Variants in CREM observed in about 807,000 individuals in gnomAD.
The protein encoded by CREM is cAMP-responsive element modulator.
In CREM, 13 loss-of-function variants were observed where a neutral mutation model predicts 37.3. That is an observed-to-expected ratio of 0.35 (90% CI 0.23 to 0.55). The LOEUF is 0.55. Among genes scored for constraint, CREM ranks in the 20% least tolerant of loss-of-function variants. The pLI, the probability that CREM is intolerant of heterozygous loss-of-function variation, is 0.88. For missense variants in CREM, 296 were observed against 362.3 expected, an observed-to-expected ratio of 0.82 and a Z score of 1.49; for synonymous variants, 124 against 120.2, an observed-to-expected ratio of 1.03 and a Z score of -0.21.
At chr10:35,176,633 TCTC>T (rs1328708449) in intron 3 of CREM, among the ~76,000 whole-genome samples, 2 of 151,984 alleles carry the variant, frequency 1.3e-5, no homozygotes, top group Non-Finnish European at 2.9e-5. Flanking sequence ...ATGGTCTTGA[TCTC>T]CTGACCTCGT....
At chr10:35,144,070 A>G (rs1244315132) in intron 2 of CREM, among the ~76,000 whole-genome samples, 2 of 152,160 alleles carry the variant, frequency 1.3e-5, no homozygotes, top group Non-Finnish European at 2.9e-5. Flanking sequence ...TGGCTTAGGA[A>G]AAGGCCCATT....
chr10:35,184,650 C>T (rs1391954163), intron 5 of CREM, among the ~76,000 whole-genome samples: 1 of 152,026 alleles, frequency 6.6e-6, no homozygotes, highest in African/African-American at 2.4e-5. Context: ...TTTTGTTTTC[C>T]ATATCTAATT....
chr10:35,155,213 C>T (rs1000794022), intron 3 of CREM, among the ~76,000 whole-genome samples: 5 of 152,044 alleles, frequency 3.3e-5, no homozygotes, highest in African/African-American at 1.2e-4. Context: ...TTTGGATACT[C>T]GTAGAAAATG....
At chr10:35,203,973 A>T (rs150588700) in intron 6 of CREM, among the ~76,000 whole-genome samples, 1 of 152,140 alleles carries the variant, frequency 6.6e-6, no homozygotes, top group Non-Finnish European at 1.5e-5. Context: ...GTCACTGGCT[A>T]TTGTTCCAAT....
At chr10:35,194,176 A>G (rs894017237) in intron 6 of CREM, among the ~76,000 whole-genome samples, 1 of 150,166 alleles carries the variant, frequency 6.7e-6, no homozygotes, top group African/African-American at 2.4e-5. Flanking sequence ...GGAAATGCCA[A>G]TAATTTTTTT....
chr10:35,209,400 A>C, intron 7 of CREM: 1 of 977,994 alleles, frequency 1.0e-6, no homozygotes, highest in Non-Finnish European at 1.2e-6. Context: ...CGAGCTCACT[A>C]TTAATAGAAG....
chr10:35,133,518 C>T (rs763248537), intron 1 of CREM, among the ~76,000 whole-genome samples: 1 of 151,978 alleles, frequency 6.6e-6, no homozygotes, highest in African/African-American at 2.4e-5. Context: ...AGGCTGGTCT[C>T]GAACTCCTGA....
intron 1 of CREM, among the ~76,000 whole-genome samples, chr10:35,133,472 T>C (rs2089828373): frequency 6.6e-6 from 1 of 152,140 alleles, no homozygotes; most frequent in Admixed American, 6.5e-5. Context: ...CTAATTTCTG[T>C]ATTTTTTGCA....
chr10:35,134,036 C>T (rs1436206530), intron 1 of CREM, among the ~76,000 whole-genome samples: 5 of 150,642 alleles, frequency 3.3e-5, no homozygotes, highest in African/African-American at 1.2e-4. Flanking sequence ...AATTTAACCA[C>T]AGCAGGTAAA....
chr10:35,150,346 TC>T (rs1239142060), intron 3 of CREM, among the ~76,000 whole-genome samples: 2 of 152,138 alleles, frequency 1.3e-5, no homozygotes, highest in Non-Finnish European at 2.9e-5. Flanking sequence ...TACATTTTCT[TC>T]CTTCTGACTC....
rs148269534 is a variant in CREM at position 35,175,547 on chromosome 10, G to A, written c.169-3342G>A. ...AAGAAAGGCTTCACTGTTAGTAGGCGTGAGGTCGTAGTGAGGTAGTTTAAC... is the reference window on the plus strand; with the variant it reads ...AAGAAAGGCTTCACTGTTAGTAGGCATGAGGTCGTAGTGAGGTAGTTTAAC... On this transcript the variant is annotated intron_variant, in intron 3 of 7. Coordinates refer to ENST00000685392, the MANE Select transcript of CREM (RefSeq NM_183011.2). The A allele has an allele frequency of 1.8e-3, 1,487 of 813,798 alleles. 16 individuals carry two copies. In the African/African-American group the frequency reaches 0.022, roughly 12 times the overall value. 50.4% of individuals were successfully genotyped at this position (813,798 alleles called of 1,614,324 possible).
intron 1 of CREM, among the ~76,000 whole-genome samples, chr10:35,136,790 G>GT (rs56403246): frequency 7.5e-5 from 9 of 120,804 alleles, no homozygotes; most frequent in African/African-American, 1.2e-4. Flanking sequence ...AGGACTCTCA[G>GT]TTTTTTTTTT....
chr10:35,195,790 T>G, intron 6 of CREM: 1 of 498,818 alleles, frequency 2.0e-6, no homozygotes, highest in Non-Finnish European at 3.6e-6. Context: ...GTCATTACAT[T>G]TCCTGGAATC....
At chr10:35,177,330 A>G (rs2094139013) in intron 3 of CREM, among the ~76,000 whole-genome samples, 1 of 152,188 alleles carries the variant, frequency 6.6e-6, no homozygotes, top group African/African-American at 2.4e-5. Context: ...AGAGTTTCTA[A>G]TTCTTTCTGA....
intron 3 of CREM, among the ~76,000 whole-genome samples, chr10:35,169,828 T>G (rs1476094393): frequency 6.6e-6 from 1 of 152,214 alleles, no homozygotes; most frequent in African/African-American, 2.4e-5. Flanking sequence ...GTCAAAGGCC[T>G]TTTCTGCATC....
At chr10:35,156,802 G>A (rs1179798002) in intron 3 of CREM, among the ~76,000 whole-genome samples, 1 of 152,188 alleles carries the variant, frequency 6.6e-6, no homozygotes, top group Non-Finnish European at 1.5e-5. Flanking sequence ...ATTAGGTAGA[G>A]ACAATGTTAG....
chr10:35,176,424 T>A (rs184005144), intron 3 of CREM, among the ~76,000 whole-genome samples: 1 of 151,228 alleles, frequency 6.6e-6, no homozygotes, highest in Admixed American at 6.6e-5. Flanking sequence ...TTTTTTTTTT[T>A]TGAGACAGAG....
chr10:35,148,974 AT>A (rs893872800), intron 3 of CREM, among the ~76,000 whole-genome samples: 2 of 152,234 alleles, frequency 1.3e-5, no homozygotes, highest in Non-Finnish European at 2.9e-5. Flanking sequence ...TCTATTAAAA[AT>A]ATAGTAAAAA....
At chr10:35,135,654 C>T (rs1309495631) in intron 1 of CREM, among the ~76,000 whole-genome samples, 1 of 134,118 alleles carries the variant, frequency 7.5e-6, no homozygotes, top group Non-Finnish European at 1.5e-5. Flanking sequence ...CTTTGGGAGG[C>T]TATGGTGGGA....
Sources: allele counts gnomAD v4.1 joint callset (sites outside exome capture counted in the v4.1 genomes callset), GRCh38; gene constraint gnomAD v4.1.1; transcripts MANE v1.5; gene names NCBI Gene and HGNC (gene_info 2026-07-23, HGNC 2026-07-21).